The following EPB41L5 variants were observed in gnomAD, a reference collection of about 807,000 sequenced individuals.
EPB41L5 encodes erythrocyte membrane protein band 4.1 like 5.
EPB41L5 carries 55 observed loss-of-function variants against 106.6 expected under a neutral mutation model. That is an observed-to-expected ratio of 0.52 (90% CI 0.42 to 0.65). EPB41L5 has a LOEUF of 0.65. Among genes scored for constraint, EPB41L5 ranks in the 30% least tolerant of loss-of-function variants. The pLI is 0.00. For missense variants in EPB41L5, 871 were observed against 882.1 expected (o/e 0.99, Z 0.16); for synonymous variants, 297 against 306.7 (o/e 0.97, Z 0.33).
intron 1 of EPB41L5, among the ~76,000 whole-genome samples, chr2:120,017,296 C>T (rs1393322962): frequency 6.6e-6 from 1 of 152,210 alleles, no homozygotes; most frequent in East Asian, 1.9e-4. Flanking sequence ...ATATCTGTAT[C>T]CCCTACCTCT....
intron 3 of EPB41L5, among the ~76,000 whole-genome samples, chr2:120,059,767 G>T (rs772420587): frequency 4.6e-5 from 7 of 152,046 alleles, no homozygotes; most frequent in Non-Finnish European, 8.8e-5. Flanking sequence ...GTCTGCTGCT[G>T]TGGCTACTTG....
chr2:120,068,036 C>G (rs555266559), intron 3 of EPB41L5, among the ~76,000 whole-genome samples: 108 of 152,260 alleles, frequency 7.1e-4, no homozygotes, highest in African/African-American at 2.6e-3. Flanking sequence ...CCAGTGAGAT[C>G]AACGTGGAAG....
At position 120,079,080 on chromosome 2, in the gene EPB41L5, T is replaced by C. The variant is rs73952022; in HGVS notation, c.803+499T>C. Among the ~76,000 whole-genome samples, 1,169 of 152,330 alleles carry C rather than the reference T, an allele frequency of 7.7e-3. 12 individuals carry two copies. The highest frequency in any genetic ancestry group is 0.027 in the African/African-American group (1,109 of 41,592). On this transcript the variant is annotated intron_variant, in intron 10 of 24. Coordinates refer to ENST00000263713, the MANE Select transcript of EPB41L5 (RefSeq NM_020909.4). ...TTTTACTTGGATTTCTTGGCCATAA[T>C]TGAGTCCATCAGATTTTGTCTGGTA...
At chr2:120,144,995 C>T (rs970760276) in intron 19 of EPB41L5, among the ~76,000 whole-genome samples, 48 of 152,142 alleles carry the variant, frequency 3.2e-4, no homozygotes, top group Admixed American at 3.1e-3. Flanking sequence ...AACTCCTTCA[C>T]TTTGATAAAG....
At chr2:120,130,354 T>G (rs1685639101) in intron 17 of EPB41L5, among the ~76,000 whole-genome samples, 1 of 152,190 alleles carries the variant, frequency 6.6e-6, no homozygotes, top group African/African-American at 2.4e-5. Flanking sequence ...TGTTAAGAGT[T>G]TAAGGTCATC....
At chr2:120,081,903 C>G (rs1265409802) in intron 10 of EPB41L5, among the ~76,000 whole-genome samples, 1 of 152,066 alleles carries the variant, frequency 6.6e-6, no homozygotes, top group Non-Finnish European at 1.5e-5. Flanking sequence ...TGATTTGGCT[C>G]TCTGTTTGTC....
chr2:120,058,063 T>C (rs750262208), intron 3 of EPB41L5, among the ~76,000 whole-genome samples: 1 of 152,102 alleles, frequency 6.6e-6, no homozygotes, highest in Non-Finnish European at 1.5e-5. Context: ...GGGAAGCAGG[T>C]TGGTGTGCAC....
In EPB41L5 at chr2:120,075,414, A is replaced by T. The variant is rs146019273; in HGVS notation, c.408-62A>T. On this transcript the variant is annotated intron_variant, in intron 5 of 24. Coordinates refer to ENST00000263713, the MANE Select transcript of EPB41L5 (RefSeq NM_020909.4). ...ATAATACTTCTCAAGTTAGAAGTGT[A>T]AGATTTTTTTTCACAGTCGATTGTG... The T allele has an allele frequency of 1.8e-4, 221 of 1,233,398 alleles. No homozygotes were observed. In the East Asian group the frequency reaches 5.0e-3, roughly 28 times the overall value. The allele number at this position is 1,233,398 out of a possible 1,614,324, so 76.4% of individuals were successfully genotyped here.
At position 120,075,732 on chromosome 2, in the gene EPB41L5, T is replaced by C. The variant is rs760752985; in HGVS notation, c.484T>C (p.Leu162=). 1.1e-5 allele frequency: 18 copies of C among 1,613,582 alleles called. No homozygotes were observed. The highest frequency in any genetic ancestry group is 1.5e-5 in the Non-Finnish European group (18 of 1,179,728). The change falls in exon 7 of 25, where the codon TTG becomes CTG. Residue 162 remains leucine (L), a synonymous_variant. Coordinates refer to ENST00000263713, the MANE Select transcript of EPB41L5 (RefSeq NM_020909.4). Reference sequence around the variant, plus strand: ...CTGTCCCTTTGATACAGCAGTGCAATTGGCAGCTTATAATCTGCAAGGTAA... The same window carrying C: ...CTGTCCCTTTGATACAGCAGTGCAACTGGCAGCTTATAATCTGCAAGGTAA... ...LDCPFDTAVQ[L]AAYNLQAELG... is the part of the protein sequence containing the mutation.
intron 6 of EPB41L5, 22 bp from the exon 7 acceptor site, chr2:120,075,679 C>A: frequency 6.2e-7 from 1 of 1,606,786 alleles, no homozygotes; most frequent in Non-Finnish European, 8.5e-7. Flanking sequence ...ACTTGTCTAA[C>A]AAACTTGTGT....
intron 14 of EPB41L5, 117 bp downstream of exon 14, chr2:120,093,393 G>A (rs1341574645): frequency 1.2e-6 from 1 of 825,886 alleles, no homozygotes; most frequent in Non-Finnish European, 2.1e-6. Context: ...AAGCACCAGG[G>A]ATATGTCAGG....
At chr2:120,172,412 G>T (rs933269939) in intron 24 of EPB41L5, among the ~76,000 whole-genome samples, 3 of 152,186 alleles carry the variant, frequency 2.0e-5, no homozygotes, top group Non-Finnish European at 4.4e-5. Context: ...AACGGAGTAC[G>T]TACAAAGGAT....
intron 13 of EPB41L5, 84 bp from the exon 14 acceptor site, chr2:120,093,165 T>G (rs988931422): frequency 6.7e-6 from 7 of 1,042,434 alleles, no homozygotes; most frequent in African/African-American, 3.2e-5. Flanking sequence ...TGTAAAGCAA[T>G]TAGTTAAAGT....
At chr2:120,100,344 G>T in intron 15 of EPB41L5, 58 bp downstream of exon 15, 19 of 1,500,848 alleles carry the variant, frequency 1.3e-5, no homozygotes, top group Non-Finnish European at 1.8e-5. Context: ...GGTAACAGTA[G>T]TAGTATTGAT....
intron 20 of EPB41L5, 104 bp downstream of exon 20, chr2:120,146,393 G>C (rs1229259784): frequency 7.5e-6 from 6 of 795,276 alleles, no homozygotes; most frequent in Admixed American, 2.4e-5. Context: ...CTGTCTGAAA[G>C]ATAGCTTGAA....
chr2:120,170,994 T>C (rs1031494445), intron 24 of EPB41L5, among the ~76,000 whole-genome samples: 10 of 152,230 alleles, frequency 6.6e-5, no homozygotes, highest in Non-Finnish European at 1.5e-4. Flanking sequence ...TGCTTTAATA[T>C]ATAGATGTTA....
At chr2:120,092,171 G>C (rs1187562290) in intron 13 of EPB41L5, among the ~76,000 whole-genome samples, 1 of 152,082 alleles carries the variant, frequency 6.6e-6, no homozygotes, top group Non-Finnish European at 1.5e-5. Context: ...TGGGATTACA[G>C]GCATGCGCCA....
intron 3 of EPB41L5, among the ~76,000 whole-genome samples, chr2:120,061,650 C>T (rs959725552): frequency 3.9e-5 from 6 of 152,074 alleles, no homozygotes; most frequent in African/African-American, 1.4e-4. Flanking sequence ...CCACACCCGG[C>T]CTATTCAGTG....
At position 120,127,981 on chromosome 2, in the gene EPB41L5, G is replaced by A. The variant is rs182147467; in HGVS notation, c.1501+130G>A. On this transcript the variant is annotated intron_variant, in intron 17 of 24. Transcript: ENST00000263713. ...TTTAAATTTAATTCAGAAGAGTTATGCCCTCTTGCCTTTTTGACTTAAGGT... is the reference window on the plus strand; with the variant it reads ...TTTAAATTTAATTCAGAAGAGTTATACCCTCTTGCCTTTTTGACTTAAGGT... 3.1e-4 allele frequency: 239 copies of A among 760,072 alleles called. No individual in the cohort carries two copies. The South Asian group carries it at 4.8e-3, about 15-fold the overall frequency. The allele number at this position is 760,072 out of a possible 1,614,324, so 47.1% of individuals were successfully genotyped here.
Sources: allele counts gnomAD v4.1 joint callset (sites outside exome capture counted in the v4.1 genomes callset), GRCh38; gene constraint gnomAD v4.1.1; transcripts MANE v1.5; gene names NCBI Gene and HGNC (gene_info 2026-07-23, HGNC 2026-07-21).